The following GADL1 variants were observed in gnomAD, a reference collection of about 807,000 sequenced individuals.
GADL1 encodes acidic amino acid decarboxylase GADL1.
Under a neutral mutation model 69.5 loss-of-function variants are expected in GADL1, and 71 were observed. The ratio of observed to expected loss-of-function variants is 1.02; its 90% CI spans 0.84 to 1.25. The LOEUF (loss-of-function observed/expected upper bound fraction) is 1.25. Ranked by LOEUF, GADL1 falls within the 50% of genes most tolerant of loss-of-function variation. GADL1 has a pLI of 0.00. For synonymous variants in GADL1, 254 were observed against 214.4 expected, an observed-to-expected ratio of 1.18 and a Z score of -1.62; for missense variants, 737 against 631.8, an observed-to-expected ratio of 1.17 and a Z score of -1.79.
At chr3:30,795,648 T>C (rs1697016298) in intron 12 of GADL1, among the ~76,000 whole-genome samples, 1 of 152,150 alleles carries the variant, frequency 6.6e-6, no homozygotes, top group South Asian at 2.1e-4. Context: ...ATCAGTAATT[T>C]GAAAAGAAAG....
At chr3:30,880,195 T>A (rs78850104) in intron 1 of GADL1, among the ~76,000 whole-genome samples, 1 of 152,082 alleles carries the variant, frequency 6.6e-6, no homozygotes, top group Non-Finnish European at 1.5e-5. Context: ...AAAAATACAA[T>A]TTTTAAAATA....
intron 8 of GADL1, among the ~76,000 whole-genome samples, chr3:30,842,840 A>AAT (rs1559358474): frequency 2.3e-4 from 34 of 150,906 alleles, no homozygotes; most frequent in African/African-American, 8.0e-4. Flanking sequence ...AAAAAAAAAA[A>AAT]AAAGTAGGAC....
At chr3:30,772,157 AAAAC>A (rs752651395) in intron 14 of GADL1, among the ~76,000 whole-genome samples, 5 of 87,414 alleles carry the variant, frequency 5.7e-5, no homozygotes, top group South Asian at 3.3e-4. Context: ...ACCAAACAAT[AAAAC>A]AAACCCGTCA....
chr3:30,837,670 T>C (rs982584791), intron 9 of GADL1, among the ~76,000 whole-genome samples: 7 of 152,264 alleles, frequency 4.6e-5, no homozygotes, highest in African/African-American at 1.4e-4. Context: ...CCATATGTGA[T>C]GTTTCTTTTA....
At chr3:30,763,886 T>A (rs1419983104) in intron 14 of GADL1, among the ~76,000 whole-genome samples, 2 of 152,048 alleles carry the variant, frequency 1.3e-5, no homozygotes, top group Non-Finnish European at 2.9e-5. Flanking sequence ...TAAAATGATA[T>A]AATTTGGTTA....
At chr3:30,769,174 TCA>T (rs1696357609) in intron 14 of GADL1, among the ~76,000 whole-genome samples, 1 of 152,104 alleles carries the variant, frequency 6.6e-6, no homozygotes, top group Non-Finnish European at 1.5e-5. Flanking sequence ...TGAAAGTCAC[TCA>T]GTCATTATTA....
chr3:30,848,230 A>C (rs17026694), intron 6 of GADL1, among the ~76,000 whole-genome samples: 6,331 of 152,214 alleles, frequency 0.042, 422 homozygotes, highest in African/African-American at 0.14. Flanking sequence ...GTACAGAAGG[A>C]ATGACTTATG....
At position 30,800,749 on chromosome 3, in the gene GADL1, C is replaced by CT. The variant is rs1697141211; in HGVS notation, c.1250+139dup. ...AATAATGCACAAATGAAAACATGTA[C>CT]TTGCAACACATTTCAAGTATTACTT... On this transcript the variant is annotated intron_variant, in intron 12 of 14. Coordinates refer to ENST00000282538, the MANE Select transcript of GADL1 (RefSeq NM_207359.3). The CT allele has an allele frequency of 1.6e-5, 11 of 690,354 alleles. No homozygotes were observed. The South Asian group carries it at 2.0e-4, about 13-fold the overall frequency. The allele number at this position is 690,354 out of a possible 1,614,324, so 42.8% of individuals were successfully genotyped here.
At chr3:30,853,683 C>T (rs536410264) in intron 4 of GADL1, among the ~76,000 whole-genome samples, 1 of 152,106 alleles carries the variant, frequency 6.6e-6, no homozygotes, top group Non-Finnish European at 1.5e-5. Context: ...AGCCAGAAAC[C>T]CAGGCATTGT....
chr3:30,868,085 CA>C (rs1698429728), intron 1 of GADL1, among the ~76,000 whole-genome samples: 1 of 151,990 alleles, frequency 6.6e-6, no homozygotes, highest in Non-Finnish European at 1.5e-5. Flanking sequence ...ACAATGGTCA[CA>C]AAACTTTTCC....
chr3:30,731,649 T>G lies in GADL1; in HGVS notation c.1393-3234A>C, dbSNP rs552189405. ...AAACGCAGGGAATAAAAACCAAACT[T>G]CTAGGACAAATTTTGTTACTGACTT... On this transcript the variant is annotated intron_variant, in intron 14 of 14. Coordinates refer to ENST00000282538, the MANE Select transcript of GADL1 (RefSeq NM_207359.3). Among the ~76,000 whole-genome samples, 3 of 152,256 alleles carry G rather than the reference T, an allele frequency of 2.0e-5. No individual in the cohort carries two copies. The South Asian group carries it at 6.2e-4, about 32-fold the overall frequency.
chr3:30,820,034 T>A (rs1697544247), intron 11 of GADL1, among the ~76,000 whole-genome samples: 1 of 151,874 alleles, frequency 6.6e-6, no homozygotes, highest in African/African-American at 2.4e-5. Flanking sequence ...GTTTTAAAAC[T>A]GCACTCAAAA....
chr3:30,813,323 A>T (rs898743379), intron 11 of GADL1, among the ~76,000 whole-genome samples: 1 of 152,200 alleles, frequency 6.6e-6, no homozygotes, highest in Non-Finnish European at 1.5e-5. Context: ...TATATTTATT[A>T]ACACAGGACA....
At position 30,727,911 on chromosome 3, in the gene GADL1, G is replaced by A. The variant is rs575710663; in HGVS notation, c.*331C>T. The A allele has an allele frequency of 8.1e-5, 14 of 172,060 alleles. No homozygotes were observed. Among genetic ancestry groups the A allele is most frequent in the Admixed American group, 5.3e-4 (9 of 16,864 alleles). The allele number at this position is 172,060 out of a possible 1,614,324, so 10.7% of individuals were successfully genotyped here. The stretch of plus-strand genomic sequence containing the variant: ...ACTTTGAGAACCACTGCTTTAAACC[G>A]TTAGTTTATAAGTTCTTTAAAGAGC... On this transcript the variant is annotated 3_prime_UTR_variant, in exon 15 of 15. Transcript: ENST00000282538.
At position 30,823,114 on chromosome 3, in the gene GADL1, C is replaced by A. The variant is rs558770069; in HGVS notation, c.1050+10739G>T. The stretch of plus-strand genomic sequence containing the variant: ...AAACTGCATCTAATGAAAAGCCTAG[C>A]AGACCTCCACAAGACAGGGATATAA... On this transcript the variant is annotated intron_variant, in intron 11 of 14. Transcript: ENST00000282538. Among the ~76,000 whole-genome samples the A allele has an allele frequency of 2.0e-5, 3 of 152,050 alleles. No individual in the cohort carries two copies. In the South Asian group the frequency reaches 6.2e-4, roughly 32 times the overall value.
At chr3:30,751,544 C>T (rs111516779) in intron 14 of GADL1, among the ~76,000 whole-genome samples, 1 of 150,460 alleles carries the variant, frequency 6.6e-6, no homozygotes, top group East Asian at 1.9e-4. Flanking sequence ...AATAGGCAAG[C>T]TGGAAATATC....
At chr3:30,821,139 A>G (rs1018134589) in intron 11 of GADL1, among the ~76,000 whole-genome samples, 5 of 152,068 alleles carry the variant, frequency 3.3e-5, no homozygotes, top group African/African-American at 1.2e-4. Flanking sequence ...ACACATGGAC[A>G]CAGGAAGGGG....
At chr3:30,840,605 C>T (rs1481647579) in intron 8 of GADL1, among the ~76,000 whole-genome samples, 1 of 152,130 alleles carries the variant, frequency 6.6e-6, no homozygotes, top group Non-Finnish European at 1.5e-5. Flanking sequence ...TTACTAAAAC[C>T]ATTTAAGTTG....
At chr3:30,852,381 A>G (rs1427714600) in intron 4 of GADL1, among the ~76,000 whole-genome samples, 1 of 152,050 alleles carries the variant, frequency 6.6e-6, no homozygotes, top group East Asian at 1.9e-4. Context: ...GCATGGTGGT[A>G]GGGGCCTGTA....
Sources: allele counts gnomAD v4.1 joint callset (sites outside exome capture counted in the v4.1 genomes callset), GRCh38; gene constraint gnomAD v4.1.1; transcripts MANE v1.5; gene names NCBI Gene and HGNC (gene_info 2026-07-23, HGNC 2026-07-21).